The following DYNC2H1 variants were observed in gnomAD, a reference collection of about 807,000 sequenced individuals.
DYNC2H1 encodes the protein dynein cytoplasmic 2 heavy chain 1.
A neutral mutation model predicts 570.0 loss-of-function variants in DYNC2H1; 410 were observed. The ratio of observed to expected loss-of-function variants is 0.72; its 90% CI spans 0.66 to 0.78. The LOEUF is 0.78. Ranked by LOEUF, DYNC2H1 falls within the 30% of genes least tolerant of loss-of-function variation. The probability of loss-of-function intolerance (pLI) is 0.00; values close to 1 mark genes in which losing one functional copy is unlikely to be tolerated. For synonymous variants in DYNC2H1, 1,688 were observed against 1,677.6 expected (o/e 1.01, Z -0.15); for missense variants, 4,865 against 5,046.4 (o/e 0.96, Z 1.09).
chr11:103,195,313 C>T (rs1383238849), intron 47 of DYNC2H1, among the ~76,000 whole-genome samples: 1 of 152,174 alleles, frequency 6.6e-6, no homozygotes, highest in Non-Finnish European at 1.5e-5. Context: ...ACATTTGAGT[C>T]AGTGGTCCAT....
chr11:103,167,343 C>T (rs1861368315), intron 31 of DYNC2H1, among the ~76,000 whole-genome samples: 2 of 151,790 alleles, frequency 1.3e-5, no homozygotes, highest in South Asian at 4.1e-4. Flanking sequence ...CTGTGGCTCA[C>T]TGCAGCCTTG....
intron 36 of DYNC2H1, 82 bp from the exon 37 acceptor site, chr11:103,176,153 A>T: frequency 7.8e-6 from 8 of 1,027,150 alleles, no homozygotes; most frequent in Non-Finnish European, 9.4e-6. Flanking sequence ...TTAATAATGC[A>T]TATCAAGGCT....
chr11:103,247,980 A>G (rs3847569), intron 65 of DYNC2H1, among the ~76,000 whole-genome samples: 26,788 of 152,026 alleles, frequency 0.18, 3,008 homozygotes, highest in African/African-American at 0.32. Flanking sequence ...TGCAAGGGCT[A>G]TGATTTAAAC....
At chr11:103,232,508 A>G (rs1001753435) in intron 60 of DYNC2H1, among the ~76,000 whole-genome samples, 2 of 152,078 alleles carry the variant, frequency 1.3e-5, no homozygotes, top group Admixed American at 1.3e-4. Flanking sequence ...GACATTTTTC[A>G]TTATAGAGTC....
intron 46 of DYNC2H1, among the ~76,000 whole-genome samples, 195 bp downstream of exon 46, chr11:103,191,814 G>A (rs1862326491): frequency 6.6e-6 from 1 of 151,606 alleles, no homozygotes; most frequent in African/African-American, 2.4e-5. Context: ...TTCCTTTTGG[G>A]AAAAATGAAA....
chr11:103,177,684 AG>A lies in DYNC2H1; in HGVS notation c.6004del (p.Val2002Ter). 6.2e-7 allele frequency: 1 copy of A among 1,613,418 alleles called. No individual in the cohort carries two copies. Among genetic ancestry groups the A allele is most frequent in the African/African-American group, 1.3e-5 (1 of 75,014 alleles). ...LRAALCKTGK[V>X]VKQYTMNPKA... ...GGGCTGCGCTTTGTAAAACTGGCAA[AG>A]TAGTGAAACAATATACTATGAATCC... On this transcript the variant is annotated frameshift_variant, in exon 38 of 89. Coordinates refer to ENST00000375735, the MANE Select transcript of DYNC2H1 (RefSeq NM_001377.3). LOFTEE classifies it high-confidence loss of function. This position sits in a 1 kb window ranked among gnomAD's most constrained non-coding sequence, Gnocchi z 4.4.
chr11:103,423,408 TAAAAA>T (rs60223334), intron 84 of DYNC2H1, among the ~76,000 whole-genome samples: 1 of 120,430 alleles, frequency 8.3e-6, no homozygotes, highest in African/African-American at 2.7e-5. Flanking sequence ...GCCAAAAAAG[TAAAAA>T]AAAAAAAAAA....
chr11:103,120,743 C>G lies in DYNC2H1; in HGVS notation c.1189C>G (p.Gln397Glu). The G allele has an allele frequency of 6.2e-7, 1 of 1,601,828 alleles. No individual in the cohort carries two copies. The highest frequency in any genetic ancestry group is 1.1e-5 in the South Asian group (1 of 89,894). Residue 397 changes from glutamine to glutamate, a missense_variant, in exon 8 of 89, where the codon CAA (glutamine) becomes GAA (glutamate). Transcript: ENST00000375735. ...QYEKIIAPAE[Q>E]KIAGKLKNYI... ...TGAAAAGATTATTGCACCTGCGGAA[C>G]AAAAAATAGCAGGAAAATTGAAAAA...
chr11:103,148,512 A>G lies in DYNC2H1; in HGVS notation c.2841A>G (p.Thr947=), dbSNP rs182475949. The change falls in exon 20 of 89, where the codon ACA becomes ACG. Residue 947 remains threonine, a synonymous_variant. Coordinates refer to ENST00000375735, the MANE Select transcript of DYNC2H1 (RefSeq NM_001377.3). ...SIQAHLHEID[T]FVTEAMEVLT... Reference sequence around the variant, plus strand: ...CAGCTCATTTACATGAAATTGATACATTTGTTACTGAGGCTATGGAAGTCT... The same window carrying G: ...CAGCTCATTTACATGAAATTGATACGTTTGTTACTGAGGCTATGGAAGTCT... The G allele has an allele frequency of 1.2e-5, 18 of 1,562,622 alleles. No individual in the cohort carries two copies. The Admixed American group carries it at 3.2e-4, about 28-fold the overall frequency.
intron 80 of DYNC2H1, among the ~76,000 whole-genome samples, chr11:103,317,873 ATCT>A (rs1162070051): frequency 1.9e-5 from 2 of 105,942 alleles, no homozygotes; most frequent in Non-Finnish European, 4.0e-5. Context: ...CTACCTCGAT[ATCT>A]TCTTGTTTAT....
chr11:103,230,956 T>C (rs1386143585), intron 59 of DYNC2H1, among the ~76,000 whole-genome samples: 3 of 152,172 alleles, frequency 2.0e-5, no homozygotes, highest in African/African-American at 7.2e-5. Context: ...TCTTATTTTC[T>C]TGGCTTCATT....
Position 103,147,776 on chromosome 11 carries a change from G to T in DYNC2H1, c.2707G>T (p.Val903Phe). Residue 903 changes from valine to phenylalanine, a missense_variant, in exon 19 of 89, where the codon GTC (valine) becomes TTC (phenylalanine). Transcript: ENST00000375735. ...ATGTCCATTGACATTTTTCAGTGCT[G>T]TCAAGGTAGATTGTTTAAATATTAA... Reference protein sequence around the residue: ...GKEVERLPSAVKVDCLNINCN... With the variant: ...GKEVERLPSAFKVDCLNINCN... The T allele has an allele frequency of 1.9e-6, 3 of 1,600,632 alleles. No homozygotes were observed. The highest frequency in any genetic ancestry group is 2.6e-6 in the Non-Finnish European group (3 of 1,172,236).
chr11:103,378,025 C>G (rs1424360774), intron 83 of DYNC2H1, among the ~76,000 whole-genome samples: 2 of 152,208 alleles, frequency 1.3e-5, no homozygotes, highest in Admixed American at 1.3e-4. Flanking sequence ...GTGTGAGCTA[C>G]CATGCCAGGC....
At chr11:103,411,124 G>T (rs1943067797) in intron 84 of DYNC2H1, among the ~76,000 whole-genome samples, 1 of 152,016 alleles carries the variant, frequency 6.6e-6, no homozygotes, top group Non-Finnish European at 1.5e-5. Flanking sequence ...TACATTAACT[G>T]CATAAATACT....
chr11:103,186,398 C>G lies in DYNC2H1; in HGVS notation c.6790C>G (p.Gln2264Glu), dbSNP rs764720647. 1.2e-6 allele frequency: 2 copies of G among 1,612,906 alleles called. No homozygotes were observed. Among genetic ancestry groups the G allele is most frequent in the East Asian group, 2.2e-5 (1 of 44,810 alleles). ...FSNGLTLPVI[Q>E]TPDMQRGLDY... ...TAACGGCTTAACTCTTCCAGTCATT[C>G]AGACTCCTGACATGCAACGAGGTCT... The change falls in exon 42 of 89, where the codon CAG becomes GAG. Residue 2264 changes from glutamine to glutamate, a missense_variant. Physicochemically the swap from Gln to Glu is conservative, Grantham distance 29. Transcript: ENST00000375735. This position sits in a 1 kb window ranked among gnomAD's most constrained non-coding sequence, Gnocchi z 4.5.
intron 1 of DYNC2H1, among the ~76,000 whole-genome samples, 197 bp from the exon 2 acceptor site, chr11:103,113,340 G>C (rs1858204342): frequency 6.6e-6 from 1 of 152,128 alleles, no homozygotes; most frequent in South Asian, 2.1e-4. Context: ...GTGACTTTAT[G>C]ATCTAATGTA....
At chr11:103,168,217 C>T (rs1861414452) in intron 31 of DYNC2H1, among the ~76,000 whole-genome samples, 2 of 152,188 alleles carry the variant, frequency 1.3e-5, no homozygotes, top group Non-Finnish European at 2.9e-5. Flanking sequence ...GGATAGCTAG[C>T]AGAAGACCCC....
chr11:103,271,416 T>C (rs1865705588), intron 70 of DYNC2H1, among the ~76,000 whole-genome samples: 1 of 152,246 alleles, frequency 6.6e-6, no homozygotes, highest in Admixed American at 6.5e-5. Flanking sequence ...TTCAATGTTA[T>C]ATAAACTGCT....
At chr11:103,426,029 A>T (rs958311804) in intron 84 of DYNC2H1, among the ~76,000 whole-genome samples, 1 of 152,086 alleles carries the variant, frequency 6.6e-6, no homozygotes, top group African/African-American at 2.4e-5. Context: ...TACCAGAATG[A>T]GGGCAATGAA....
Sources: allele counts gnomAD v4.1 joint callset (sites outside exome capture counted in the v4.1 genomes callset), GRCh38; gene constraint gnomAD v4.1.1; non-coding constraint Gnocchi (gnomAD v3.1); transcripts MANE v1.5; gene names NCBI Gene and HGNC (gene_info 2026-07-23, HGNC 2026-07-21).